The following PHKB variants were observed in gnomAD, a reference collection of about 807,000 sequenced individuals.
PHKB encodes the protein phosphorylase kinase regulatory subunit beta, also known as phosphorylase b kinase regulatory subunit beta.
In PHKB, 122 loss-of-function variants were observed where a neutral mutation model predicts 152.1. The ratio of observed to expected loss-of-function variants is 0.80; its 90% CI spans 0.69 to 0.93. PHKB has a LOEUF of 0.93. Among genes scored for constraint, PHKB ranks in the 40% least tolerant of loss-of-function variants. PHKB has a pLI of 0.00. For missense variants in PHKB, 1,304 were observed against 1,328.4 expected (o/e 0.98, Z 0.29); for synonymous variants, 436 against 464.9 (o/e 0.94, Z 0.80).
chr16:47,679,706 C>T (rs553905856), intron 26 of PHKB, among the ~76,000 whole-genome samples: 1 of 152,328 alleles, frequency 6.6e-6, no homozygotes, highest in East Asian at 1.9e-4. Context: ...ACAGTCATGT[C>T]ATCTGCAAAC....
intron 26 of PHKB, chr16:47,675,821 T>TA (rs1236866117): frequency 1.3e-5 from 2 of 152,190 alleles, no homozygotes; most frequent in East Asian, 3.9e-4. Flanking sequence ...CCTTCAGACC[T>TA]ACGCCCACAG....
chr16:47,624,047 C>A (rs1186007923), intron 14 of PHKB, among the ~76,000 whole-genome samples: 4 of 152,088 alleles, frequency 2.6e-5, no homozygotes, highest in African/African-American at 9.7e-5. Context: ...TCATATAATT[C>A]CTATAATTTT....
At chr16:47,648,689 T>A (rs750210321) in intron 17 of PHKB, 73 bp downstream of exon 17, 5 of 909,744 alleles carry the variant, frequency 5.5e-6, no homozygotes, top group Non-Finnish European at 7.4e-6. Flanking sequence ...CTTGACCTGC[T>A]ATGCATCCTT....
At chr16:47,537,490 C>T (rs141683069) in intron 6 of PHKB, among the ~76,000 whole-genome samples, 1 of 152,266 alleles carries the variant, frequency 6.6e-6, no homozygotes, top group East Asian at 1.9e-4. Context: ...TTTGTTTGTT[C>T]GTTTTTCTTC....
intron 14 of PHKB, among the ~76,000 whole-genome samples, chr16:47,629,678 A>G (rs955173733): frequency 1.3e-5 from 2 of 152,158 alleles, no homozygotes; most frequent in Non-Finnish European, 2.9e-5. Context: ...TACTGGGTAT[A>G]TACCCAAAGG....
intron 7 of PHKB, among the ~76,000 whole-genome samples, chr16:47,576,094 A>C (rs980592661): frequency 3.9e-5 from 6 of 152,088 alleles, no homozygotes; most frequent in Admixed American, 1.3e-4. Context: ...AAAACAAAAC[A>C]AAACAACAAC....
intron 1 of PHKB, among the ~76,000 whole-genome samples, chr16:47,491,847 C>T (rs1057267929): frequency 6.6e-6 from 1 of 152,130 alleles, no homozygotes; most frequent in Non-Finnish European, 1.5e-5. Context: ...GGGTATCTGG[C>T]GCCCCGTGTT....
At chr16:47,550,599 G>A (rs977648334) in intron 7 of PHKB, among the ~76,000 whole-genome samples, 3 of 152,196 alleles carry the variant, frequency 2.0e-5, no homozygotes, top group Non-Finnish European at 2.9e-5. Context: ...CTCAGCTGAA[G>A]TGACTGGCTC....
At chr16:47,543,271 T>C (rs1398388787) in intron 6 of PHKB, among the ~76,000 whole-genome samples, 2 of 152,228 alleles carry the variant, frequency 1.3e-5, no homozygotes, top group African/African-American at 4.8e-5. Flanking sequence ...GTGTGGTTTT[T>C]GTCTTTGGTT....
At chr16:47,650,651 A>T in intron 19 of PHKB, 25 bp downstream of exon 19, 1 of 1,483,234 alleles carries the variant, frequency 6.7e-7, no homozygotes, top group East Asian at 2.3e-5. Flanking sequence ...GAAGTAAGGT[A>T]CGTGTGTCTC....
rs1973427551 is a variant in PHKB at position 47,660,728 on chromosome 16, C to A, written c.2105C>A (p.Thr702Asn). 6.2e-7 allele frequency: 1 copy of A among 1,614,050 alleles called. No homozygotes were observed. The change falls in exon 22 of 31, where the codon ACC (threonine) becomes AAC (asparagine). Residue 702 changes from threonine (T) to asparagine (N), a missense_variant. Thr to Asn is a moderately conservative substitution (Grantham distance 65, BLOSUM62 0). Transcript: ENST00000323584. ...TCAAAAGTCAAACGGCAAAGCAGCA[C>A]CCCTAGTGCTCCTGAACTGGGACAG... ...KHSKVKRQSSTPSAPELGQQP... is the reference protein window; with the variant it reads ...KHSKVKRQSSNPSAPELGQQP...
At chr16:47,666,573 C>G (rs1419537205) in intron 25 of PHKB, among the ~76,000 whole-genome samples, 1 of 152,256 alleles carries the variant, frequency 6.6e-6, no homozygotes, top group Non-Finnish European at 1.5e-5. Context: ...AGTGGTCTCT[C>G]TCTCTGGATT....
At chr16:47,663,408 T>C (rs1447584396) in intron 23 of PHKB, among the ~76,000 whole-genome samples, 2 of 152,176 alleles carry the variant, frequency 1.3e-5, no homozygotes, top group African/African-American at 4.8e-5. Flanking sequence ...TTGTTAAAAG[T>C]TTAGATTGCA....
chr16:47,576,603 T>G (rs1348548149), intron 7 of PHKB, among the ~76,000 whole-genome samples: 1 of 152,238 alleles, frequency 6.6e-6, no homozygotes, highest in African/African-American at 2.4e-5. Flanking sequence ...GTCTATTCTT[T>G]CAGTTCTGTC....
Position 47,499,822 on chromosome 16 carries a change from G to A in PHKB, c.233G>A (p.Gly78Asp), listed in dbSNP as rs1437102435. ...CTCTTTCCCACTAAAACATGCGGTGGTGACCAGAAGGCCAAGATCCAGGAC... is the reference window on the plus strand; with the variant it reads ...CTCTTTCCCACTAAAACATGCGGTGATGACCAGAAGGCCAAGATCCAGGAC... Reference protein sequence around the residue: ...TGLFPTKTCGGDQKAKIQDSL... With the variant: ...TGLFPTKTCGDDQKAKIQDSL... The change falls in exon 3 of 31, where the codon GGT becomes GAT. Residue 78 changes from glycine to aspartate, a missense_variant. Physicochemically the swap from Gly to Asp is moderately conservative, Grantham distance 94. Coordinates refer to ENST00000323584, the MANE Select transcript of PHKB (RefSeq NM_000293.3). The A allele has an allele frequency of 6.2e-7, 1 of 1,614,212 alleles. No individual in the cohort carries two copies. Among genetic ancestry groups the A allele is most frequent in the East Asian group, 2.2e-5 (1 of 44,884 alleles).
intron 7 of PHKB, among the ~76,000 whole-genome samples, chr16:47,550,407 C>G (rs1223545598): frequency 6.6e-6 from 1 of 152,194 alleles, no homozygotes; most frequent in Non-Finnish European, 1.5e-5. Context: ...TGAAACTGTT[C>G]TCATAATTTC....
chr16:47,549,994 G>A (rs1244957845), intron 7 of PHKB, among the ~76,000 whole-genome samples: 2 of 152,042 alleles, frequency 1.3e-5, no homozygotes, highest in African/African-American at 4.8e-5. Flanking sequence ...GTTTAAGTTT[G>A]GATGATGGGT....
intron 7 of PHKB, among the ~76,000 whole-genome samples, chr16:47,559,037 A>G (rs1020787851): frequency 6.6e-6 from 1 of 152,208 alleles, no homozygotes; most frequent in African/African-American, 2.4e-5. Context: ...AATATTTAAT[A>G]AAATATGTAC....
At chr16:47,514,122 T>C (rs1394279807) in intron 5 of PHKB, among the ~76,000 whole-genome samples, 1 of 152,060 alleles carries the variant, frequency 6.6e-6, no homozygotes, top group African/African-American at 2.4e-5. Flanking sequence ...TTTTTGTGAC[T>C]GGCTTTTTAA....
Sources: allele counts gnomAD v4.1 joint callset (sites outside exome capture counted in the v4.1 genomes callset), GRCh38; gene constraint gnomAD v4.1.1; transcripts MANE v1.5; gene names NCBI Gene and HGNC (gene_info 2026-07-23, HGNC 2026-07-21).